THSD7B: variants seen among roughly 807,000 people sequenced by gnomAD.
THSD7B encodes the protein thrombospondin type 1 domain containing 7B, also known as thrombospondin type-1 domain-containing protein 7B.
A neutral mutation model predicts 213.6 loss-of-function variants in THSD7B; 138 were observed. That is an observed-to-expected ratio of 0.65 (90% CI 0.56 to 0.74). The LOEUF is 0.74. Ranked by LOEUF, THSD7B falls within the 30% of genes least tolerant of loss-of-function variation. The pLI is 0.00. For missense variants in THSD7B, 1,931 were observed against 1,991.5 expected, an observed-to-expected ratio of 0.97 and a Z score of 0.58; for synonymous variants, 742 against 687.0, an observed-to-expected ratio of 1.08 and a Z score of -1.25.
At chr2:137,009,689 A>G (rs1404660646) in intron 2 of THSD7B, among the ~76,000 whole-genome samples, 1 of 152,296 alleles carries the variant, frequency 6.6e-6, no homozygotes, top group East Asian at 1.9e-4. Flanking sequence ...CTTATGACTT[A>G]CCATGAGAAC....
chr2:136,842,106 T>A (rs1386413470), intron 1 of THSD7B, among the ~76,000 whole-genome samples: 1 of 152,208 alleles, frequency 6.6e-6, no homozygotes, highest in Non-Finnish European at 1.5e-5. Flanking sequence ...ATTTGTCAAA[T>A]GAAAGGATTT....
At chr2:137,513,184 A>G (rs1039938658) in intron 15 of THSD7B, among the ~76,000 whole-genome samples, 12 of 152,198 alleles carry the variant, frequency 7.9e-5, no homozygotes, top group African/African-American at 2.9e-4. Flanking sequence ...ATTAATCCCC[A>G]TATTTAACAT....
At chr2:137,049,017 G>T (rs1479611446) in intron 2 of THSD7B, among the ~76,000 whole-genome samples, 1 of 152,170 alleles carries the variant, frequency 6.6e-6, no homozygotes, top group Non-Finnish European at 1.5e-5. Context: ...CCAAGTAAAT[G>T]ATTTTCTTCC....
chr2:137,269,514 T>C (rs1022408078), intron 10 of THSD7B, among the ~76,000 whole-genome samples: 2 of 152,200 alleles, frequency 1.3e-5, no homozygotes, highest in Non-Finnish European at 2.9e-5. Context: ...TTCGTTTTTT[T>C]CTATTGTTTT....
chr2:136,803,424 A>G (rs971791774), intron 1 of THSD7B, among the ~76,000 whole-genome samples: 6 of 152,174 alleles, frequency 3.9e-5, no homozygotes, highest in Non-Finnish European at 5.9e-5. Flanking sequence ...TTAAAGCTAA[A>G]TATCTGTCTG....
intron 15 of THSD7B, among the ~76,000 whole-genome samples, chr2:137,534,086 C>A (rs1680457175): frequency 6.6e-6 from 1 of 151,258 alleles, no homozygotes; most frequent in South Asian, 2.1e-4. Context: ...TTTCTTCCAA[C>A]TTTGATCTTC....
intron 14 of THSD7B, among the ~76,000 whole-genome samples, chr2:137,424,744 A>G (rs889634850): frequency 3.3e-5 from 5 of 152,214 alleles, no homozygotes; most frequent in African/African-American, 1.2e-4. Flanking sequence ...AAGGTTCTGC[A>G]TTAGTGGACT....
chr2:137,456,450 T>C (rs574016680), intron 15 of THSD7B, among the ~76,000 whole-genome samples: 1 of 152,342 alleles, frequency 6.6e-6, no homozygotes, highest in African/African-American at 2.4e-5. Context: ...ATGGCTATGC[T>C]TCAGATTTAA....
At chr2:137,307,330 G>T (rs1166580043) in intron 12 of THSD7B, among the ~76,000 whole-genome samples, 1 of 152,010 alleles carries the variant, frequency 6.6e-6, no homozygotes. Context: ...CATCAGTCAG[G>T]GTAACTCGCA....
chr2:136,991,069 A>G, intron 2 of THSD7B: 1 of 668,990 alleles, frequency 1.5e-6, no homozygotes, highest in South Asian at 1.7e-5. Flanking sequence ...AAGGACCTGG[A>G]CAAATGAAGT....
chr2:136,776,204 T>A (rs1681600385), intron 1 of THSD7B, among the ~76,000 whole-genome samples: 1 of 152,176 alleles, frequency 6.6e-6, no homozygotes, highest in Non-Finnish European at 1.5e-5. Context: ...TTGGGCTCCC[T>A]GTCTACCTAT....
At chr2:137,607,723 G>A (rs924476529) in intron 17 of THSD7B, among the ~76,000 whole-genome samples, 1 of 152,032 alleles carries the variant, frequency 6.6e-6, no homozygotes, top group Non-Finnish European at 1.5e-5. Flanking sequence ...TCACTCCCAA[G>A]CTCCAACTGT....
chr2:137,656,020 A>G (rs1247505295), intron 22 of THSD7B, among the ~76,000 whole-genome samples: 6 of 152,190 alleles, frequency 3.9e-5, no homozygotes, highest in African/African-American at 9.6e-5. Context: ...ACAGCGTTCA[A>G]AAAATGTTGG....
intron 5 of THSD7B, among the ~76,000 whole-genome samples, chr2:137,118,385 A>G (rs1469621): frequency 0.34 from 51,796 of 152,130 alleles, 10,971 homozygotes; most frequent in Non-Finnish European, 0.47. Context: ...TATTCCATGT[A>G]TGGGAATGTG....
At chr2:137,632,655 G>C (rs1359990729) in intron 20 of THSD7B, among the ~76,000 whole-genome samples, 1 of 152,094 alleles carries the variant, frequency 6.6e-6, no homozygotes, top group Non-Finnish European at 1.5e-5. Context: ...GAAAAATCTG[G>C]AGTTATTTAT....
chr2:137,270,254 C>T (rs958999014), intron 10 of THSD7B, among the ~76,000 whole-genome samples: 3 of 151,944 alleles, frequency 2.0e-5, no homozygotes, highest in Non-Finnish European at 2.9e-5. Flanking sequence ...GTGTCCCATC[C>T]CCCCATTCAC....
intron 1 of THSD7B, among the ~76,000 whole-genome samples, chr2:136,822,498 T>C (rs1050488687): frequency 1.3e-5 from 2 of 152,174 alleles, no homozygotes; most frequent in African/African-American, 2.4e-5. Flanking sequence ...AGTCCTTAGA[T>C]TAACAGAGCA....
At chr2:137,425,075 AATAATAATAATAATAATAATAATG>A (rs1264202457) in intron 14 of THSD7B, among the ~76,000 whole-genome samples, 10 of 34,006 alleles carry the variant, frequency 2.9e-4, no homozygotes, top group Non-Finnish European at 1.0e-3. Flanking sequence ...CTGTCTCAAA[AATAATAATAATAATAATAATAATG>A]ATAATAATAA....
At chr2:137,375,109 A>G (rs529255712) in intron 12 of THSD7B, among the ~76,000 whole-genome samples, 3 of 152,330 alleles carry the variant, frequency 2.0e-5, no homozygotes, top group Admixed American at 2.0e-4. Context: ...CCGGGTGGCC[A>G]GTACTACCTC....
Sources: allele counts gnomAD v4.1 joint callset (sites outside exome capture counted in the v4.1 genomes callset), GRCh38; gene constraint gnomAD v4.1.1; transcripts MANE v1.5; gene names NCBI Gene and HGNC (gene_info 2026-07-23, HGNC 2026-07-21).